Variants in TMEM26 observed in about 807,000 individuals in gnomAD.
The protein encoded by TMEM26 is transmembrane protein 26.
In TMEM26, 38 loss-of-function variants were observed where a neutral mutation model predicts 28.8. The ratio of observed to expected loss-of-function variants is 1.32; its 90% CI spans 1.02 to 1.73. The LOEUF is 1.73. Ranked by LOEUF, TMEM26 falls within the 40% of genes most tolerant of loss-of-function variation. The pLI is 0.00. For missense variants in TMEM26, 518 were observed against 447.1 expected, an observed-to-expected ratio of 1.16 and a Z score of -1.43; for synonymous variants, 227 against 182.9, an observed-to-expected ratio of 1.24 and a Z score of -1.95.
intron 2 of TMEM26, among the ~76,000 whole-genome samples, chr10:61,432,970 T>C (rs1464899759): frequency 6.6e-6 from 1 of 152,198 alleles, no homozygotes; most frequent in East Asian, 1.9e-4. Flanking sequence ...AAATTTTCAT[T>C]GCAAAGCATG....
intron 1 of TMEM26, among the ~76,000 whole-genome samples, chr10:61,445,835 A>C (rs559549181): frequency 1.3e-5 from 2 of 152,276 alleles, no homozygotes; most frequent in African/African-American, 4.8e-5. Context: ...GAATTTTTCC[A>C]CCGTTGGAAA....
chr10:61,422,011 C>T (rs1409624236), intron 4 of TMEM26, among the ~76,000 whole-genome samples: 2 of 151,746 alleles, frequency 1.3e-5, no homozygotes, highest in Admixed American at 1.3e-4. Context: ...AGCTGGAGTG[C>T]CTATATTTGT....
rs1327889490 is a variant in TMEM26, at chr10:61,408,817, A to C, written c.*1505T>G. On this transcript the variant is annotated 3_prime_UTR_variant, in exon 6 of 6. Coordinates refer to ENST00000399298, the MANE Select transcript of TMEM26 (RefSeq NM_178505.8). ...GAAATAAAAAACATATAACAATGGC[A>C]CTGAAGAAGCCATTTATGAGAAAAT... 6 of 152,246 alleles carry C rather than the reference A, an allele frequency of 3.9e-5. No homozygotes were observed. The East Asian group carries it at 1.2e-3, about 29-fold the overall frequency. The allele number at this position is 152,246 out of a possible 1,614,324, so 9.4% of individuals were successfully genotyped here.
intron 3 of TMEM26, among the ~76,000 whole-genome samples, chr10:61,431,016 A>G (rs564212323): frequency 2.0e-5 from 3 of 152,026 alleles, no homozygotes; most frequent in Admixed American, 1.3e-4. Context: ...ATTAATATAT[A>G]TAAAATGTAT....
intron 4 of TMEM26, among the ~76,000 whole-genome samples, chr10:61,416,749 T>C (rs761487907): frequency 9.2e-5 from 14 of 152,042 alleles, no homozygotes; most frequent in Non-Finnish European, 1.5e-4. Context: ...AAGTCATAAA[T>C]AAACATTACA....
At chr10:61,443,727 C>A (rs1005538016) in intron 1 of TMEM26, among the ~76,000 whole-genome samples, 1 of 152,040 alleles carries the variant, frequency 6.6e-6, no homozygotes, top group Non-Finnish European at 1.5e-5. Flanking sequence ...AAGTCATATT[C>A]CCAAATAATG....
chr10:61,421,425 T>G (rs1405167706), intron 4 of TMEM26, among the ~76,000 whole-genome samples: 2 of 152,126 alleles, frequency 1.3e-5, no homozygotes, highest in East Asian at 1.9e-4. Flanking sequence ...TAGTGTCCCT[T>G]AAAATTCCAT....
chr10:61,413,782 T>A, intron 4 of TMEM26: 1 of 1,131,774 alleles, frequency 8.8e-7, no homozygotes, highest in African/African-American at 1.6e-5. Flanking sequence ...CTTGGTCCCA[T>A]ATTGCTGTCT....
At chr10:61,413,880 T>C (rs1276172776) in intron 4 of TMEM26, 1 of 995,144 alleles carries the variant, frequency 1.0e-6, no homozygotes, top group African/African-American at 1.7e-5. Context: ...AAATGGCTGA[T>C]TTCAAGGAAT....
At chr10:61,445,212 C>A (rs180720851) in intron 1 of TMEM26, among the ~76,000 whole-genome samples, 31 of 152,266 alleles carry the variant, frequency 2.0e-4, no homozygotes, top group African/African-American at 7.5e-4. Context: ...ATTTTCATCA[C>A]CATCGTCATC....
At chr10:61,422,285 A>G (rs1038308250) in intron 4 of TMEM26, among the ~76,000 whole-genome samples, 1 of 152,138 alleles carries the variant, frequency 6.6e-6, no homozygotes, top group Non-Finnish European at 1.5e-5. Context: ...AGAAGACTTG[A>G]ACAACACTAT....
In TMEM26 at chr10:61,416,798, G is replaced by A. The variant is rs368103861; in HGVS notation, c.606-3263C>T. On this transcript the variant is annotated intron_variant, in intron 4 of 5. Transcript: ENST00000399298. ...AGTAATTTTACTAGTATGTCAACAT[G>A]CTTCTTAAAATCTTTGTATATTATT... is the stretch of plus-strand genomic sequence containing the variant. Among the ~76,000 whole-genome samples, 18 of 151,954 alleles carry A rather than the reference G, an allele frequency of 1.2e-4. 1 individual carries two copies. Among genetic ancestry groups the A allele is most frequent in the East Asian group, 9.6e-4 (5 of 5,196 alleles).
chr10:61,430,623 G>A (rs980192099), intron 3 of TMEM26, among the ~76,000 whole-genome samples: 3 of 150,902 alleles, frequency 2.0e-5, no homozygotes, highest in African/African-American at 7.3e-5. Flanking sequence ...CAAGGTTGTG[G>A]GATAAAAGGT....
chr10:61,423,628 C>A (rs986188921), intron 4 of TMEM26, among the ~76,000 whole-genome samples: 2 of 152,046 alleles, frequency 1.3e-5, no homozygotes, highest in African/African-American at 4.8e-5. Flanking sequence ...GTCCCACCTG[C>A]TTGGGAGGCT....
rs192152134 is a variant in TMEM26, at chr10:61,444,170, T to A, written c.192-7922A>T. On this transcript the variant is annotated intron_variant, in intron 1 of 5. Coordinates refer to ENST00000399298, the MANE Select transcript of TMEM26 (RefSeq NM_178505.8). Reference sequence around the variant, plus strand: ...GGCTTTCCACACTCTTGGACTTAATTTGTGAAAATTTATTTGGTTCTCTAA... The same window carrying A: ...GGCTTTCCACACTCTTGGACTTAATATGTGAAAATTTATTTGGTTCTCTAA... Among the ~76,000 whole-genome samples the A allele has an allele frequency of 3.3e-5, 5 of 152,330 alleles. No homozygotes were observed. The East Asian group carries it at 9.7e-4, about 29-fold the overall frequency.
intron 4 of TMEM26, chr10:61,413,887 G>T: frequency 1.0e-6 from 1 of 993,588 alleles, no homozygotes; most frequent in Non-Finnish European, 1.2e-6. Context: ...TGATTTCAAG[G>T]AATGTCAGTG....
At chr10:61,412,914 A>G (rs1839590725) in intron 5 of TMEM26, 2 of 1,285,562 alleles carry the variant, frequency 1.6e-6, no homozygotes, top group Non-Finnish European at 2.0e-6. Context: ...TGTTTTTATT[A>G]AAGTAAGACC....
chr10:61,447,121 C>T (rs556239786), intron 1 of TMEM26, among the ~76,000 whole-genome samples: 26 of 152,152 alleles, frequency 1.7e-4, no homozygotes, highest in Non-Finnish European at 3.1e-4. Context: ...GGGAGAATTT[C>T]CAGTGCCCAA....
intron 4 of TMEM26, among the ~76,000 whole-genome samples, chr10:61,425,074 A>G (rs988474741): frequency 1.3e-5 from 2 of 152,204 alleles, no homozygotes; most frequent in Non-Finnish European, 2.9e-5. Context: ...ACAGTTCCAC[A>G]TGGCTGGGTA....
Sources: allele counts gnomAD v4.1 joint callset (sites outside exome capture counted in the v4.1 genomes callset), GRCh38; gene constraint gnomAD v4.1.1; transcripts MANE v1.5; gene names NCBI Gene and HGNC (gene_info 2026-07-23, HGNC 2026-07-21).